The following PRKCA variants were observed in gnomAD, a reference collection of about 807,000 sequenced individuals.
The protein encoded by PRKCA is protein kinase C alpha.
PRKCA carries 27 observed loss-of-function variants against 87.0 expected under a neutral mutation model. The observed-to-expected ratio is 0.31, with a 90% CI of 0.23 to 0.43. The LOEUF (loss-of-function observed/expected upper bound fraction) is 0.43. Among genes scored for constraint, PRKCA ranks in the 20% least tolerant of loss-of-function variants. The pLI is 1.00. For missense variants in PRKCA, 518 were observed against 852.3 expected (o/e 0.61, Z 4.88); for synonymous variants, 329 against 311.1 (o/e 1.06, Z -0.61).
At chr17:66,582,834 C>G (rs1430527159) in intron 3 of PRKCA, among the ~76,000 whole-genome samples, 1 of 152,126 alleles carries the variant, frequency 6.6e-6, no homozygotes, top group East Asian at 1.9e-4. Context: ...CTGATTAAAA[C>G]TCTCTAAAGC....
At chr17:66,486,777 C>T (rs1916007303) in intron 2 of PRKCA, among the ~76,000 whole-genome samples, 1 of 152,102 alleles carries the variant, frequency 6.6e-6, no homozygotes, top group Non-Finnish European at 1.5e-5. Context: ...ATACTTTTCT[C>T]AAATTGAGAC....
At chr17:66,711,623 A>G (rs535428060) in intron 8 of PRKCA, among the ~76,000 whole-genome samples, 8 of 152,252 alleles carry the variant, frequency 5.3e-5, no homozygotes, top group Non-Finnish European at 1.0e-4. Flanking sequence ...TGTGTTCGTA[A>G]TTAAAATCAG....
chr17:66,701,268 T>TGTATATGC (rs1433425753), intron 8 of PRKCA, among the ~76,000 whole-genome samples: 3 of 152,128 alleles, frequency 2.0e-5, no homozygotes, highest in African/African-American at 7.2e-5. Context: ...ATTGGATAGA[T>TGTATATGC]GCATTTCGTA....
chr17:66,408,102 G>C (rs928452141), intron 2 of PRKCA, among the ~76,000 whole-genome samples: 1 of 152,094 alleles, frequency 6.6e-6, no homozygotes, highest in East Asian at 1.9e-4. Flanking sequence ...TATCTCTTTT[G>C]GATAGATGGA....
At chr17:66,703,210 TA>T (rs1187022474) in intron 8 of PRKCA, 1 of 152,228 alleles carries the variant, frequency 6.6e-6, no homozygotes, top group Non-Finnish European at 1.5e-5. Flanking sequence ...AAATAACACT[TA>T]AAACACAAAT....
At chr17:66,310,772 A>G (rs967586342) in intron 2 of PRKCA, among the ~76,000 whole-genome samples, 2 of 152,252 alleles carry the variant, frequency 1.3e-5, no homozygotes, top group African/African-American at 4.8e-5. Context: ...AGGGGGCAGT[A>G]GCGAGTGAGT....
intron 3 of PRKCA, among the ~76,000 whole-genome samples, chr17:66,500,169 G>A (rs1336425756): frequency 6.6e-6 from 1 of 152,158 alleles, no homozygotes; most frequent in African/African-American, 2.4e-5. Context: ...GAGCCCAGCT[G>A]GTGCCAGATA....
intron 3 of PRKCA, among the ~76,000 whole-genome samples, chr17:66,602,579 A>G (rs1970080787): frequency 6.6e-6 from 1 of 152,206 alleles, no homozygotes; most frequent in Non-Finnish European, 1.5e-5. Flanking sequence ...CTATTCGGCC[A>G]TCTTGGCTCC....
intron 2 of PRKCA, among the ~76,000 whole-genome samples, chr17:66,352,880 G>A (rs1907836422): frequency 6.6e-6 from 1 of 151,870 alleles, no homozygotes; most frequent in South Asian, 2.1e-4. Context: ...ATTATTTTAG[G>A]GTTTGGGGAG....
rs770804837 is a variant in PRKCA, at chr17:66,441,086, C to G, written c.206-55115C>G. On this transcript the variant is annotated intron_variant, in intron 2 of 16. Transcript: ENST00000413366. ...CTGAGGCATGAGAATTCCTTGGACC[C>G]GGGAGACGGATGTTGCATTGAGCCC... Among the ~76,000 whole-genome samples, 31 of 146,798 alleles carry G rather than the reference C, an allele frequency of 2.1e-4. 1 individual carries two copies. The highest frequency in any genetic ancestry group is 7.4e-5 in the Non-Finnish European group (5 of 67,482).
rs146652632 is a variant in PRKCA at position 66,353,183 on chromosome 17, A to G, written c.205+47056A>G. Among the ~76,000 whole-genome samples, 47 of 152,324 alleles carry G rather than the reference A, an allele frequency of 3.1e-4. No individual in the cohort carries two copies. In the East Asian group the frequency reaches 4.8e-3, roughly 16 times the overall value. On this transcript the variant is annotated intron_variant, in intron 2 of 16. Transcript: ENST00000413366. Reference sequence around the variant, plus strand: ...GTTAAAGGGGTATGTCCTAGATTTAACATTTGAAATCCTTTCCATTAAGTG... The same window carrying G: ...GTTAAAGGGGTATGTCCTAGATTTAGCATTTGAAATCCTTTCCATTAAGTG...
intron 2 of PRKCA, among the ~76,000 whole-genome samples, chr17:66,466,757 G>C (rs1190596617): frequency 6.6e-6 from 1 of 151,986 alleles, no homozygotes; most frequent in African/African-American, 2.4e-5. Flanking sequence ...AAGAGAAGTG[G>C]GAATAACAGT....
chr17:66,357,151 A>G (rs1196608546), intron 2 of PRKCA, among the ~76,000 whole-genome samples: 1 of 152,176 alleles, frequency 6.6e-6, no homozygotes, highest in Non-Finnish European at 1.5e-5. Context: ...CCAGGCTAAC[A>G]GTTCTCTCAA....
At chr17:66,798,451 GAC>G in intron 16 of PRKCA, among the ~76,000 whole-genome samples, 2 of 65,550 alleles carry the variant, frequency 3.1e-5, no homozygotes, top group Admixed American at 1.7e-4. Flanking sequence ...TGGTGGTGGT[GAC>G]GGTGGTGGTG....
intron 3 of PRKCA, among the ~76,000 whole-genome samples, chr17:66,578,788 C>T (rs1420860257): frequency 6.6e-6 from 1 of 152,220 alleles, no homozygotes; most frequent in Non-Finnish European, 1.5e-5. Context: ...AGTGTCCTAA[C>T]TGACCGCCTG....
chr17:66,536,756 T>C (rs1319202745), intron 3 of PRKCA, among the ~76,000 whole-genome samples: 2 of 152,240 alleles, frequency 1.3e-5, no homozygotes, highest in Non-Finnish European at 2.9e-5. Context: ...CCGTGGGAAT[T>C]GCAGTTTTCT....
At chr17:66,415,808 G>A (rs1401826024) in intron 2 of PRKCA, 1 of 152,144 alleles carries the variant, frequency 6.6e-6, no homozygotes, top group African/African-American at 2.4e-5. Context: ...GATAACAACA[G>A]TGCCTGCTCA....
At chr17:66,393,755 T>C (rs1251858222) in intron 2 of PRKCA, among the ~76,000 whole-genome samples, 1 of 151,978 alleles carries the variant, frequency 6.6e-6, no homozygotes, top group Non-Finnish European at 1.5e-5. Flanking sequence ...GCGCCCTCCC[T>C]GAGGGTGAGG....
chr17:66,313,669 A>G (rs1905177363), intron 2 of PRKCA, among the ~76,000 whole-genome samples: 1 of 152,230 alleles, frequency 6.6e-6, no homozygotes, highest in Non-Finnish European at 1.5e-5. Context: ...TGAGATTGGT[A>G]ATAACTGGAG....
Sources: gnomAD v4.1 joint callset for allele counts (sites outside exome capture counted in the v4.1 genomes callset) on GRCh38, gnomAD v4.1.1 for gene constraint, MANE v1.5 for transcripts, NCBI Gene and HGNC (gene_info 2026-07-23, HGNC 2026-07-21) for gene names.